JAKMIP3: variants seen among roughly 807,000 people sequenced by gnomAD.
JAKMIP3 encodes the protein Janus kinase and microtubule interacting protein 3.
Under a neutral mutation model 118.5 loss-of-function variants are expected in JAKMIP3, and 58 were observed. The observed-to-expected ratio is 0.49, with a 90% CI of 0.40 to 0.61. JAKMIP3 has a LOEUF of 0.61. JAKMIP3 is among the 20% of genes least tolerant of loss of function. The probability of loss-of-function intolerance (pLI) is 0.00; values close to 1 mark genes in which losing one functional copy is unlikely to be tolerated. For missense variants in JAKMIP3, 950 were observed against 1,109.0 expected (o/e 0.86, Z 2.04); for synonymous variants, 486 against 451.2 (o/e 1.08, Z -0.98).
chr10:132,139,426 G>T (rs7082365), intron 9 of JAKMIP3, among the ~76,000 whole-genome samples: 10,101 of 79,578 alleles, frequency 0.13, 922 homozygotes, highest in African/African-American at 0.32. Context: ...GTGTGTGTGT[G>T]TGTTTGTGTG....
intron 21 of JAKMIP3, among the ~76,000 whole-genome samples, chr10:132,166,292 C>T (rs555641924): frequency 6.6e-6 from 1 of 152,284 alleles, no homozygotes; most frequent in African/African-American, 2.4e-5. Flanking sequence ...CGTCACTGCA[C>T]TCCAGACTGG....
chr10:132,142,731 C>T (rs550064170), intron 11 of JAKMIP3, among the ~76,000 whole-genome samples: 14 of 152,256 alleles, frequency 9.2e-5, no homozygotes, highest in South Asian at 4.1e-4. Flanking sequence ...GAGGGGAAGC[C>T]GCTGGAGGAC....
intron 1 of JAKMIP3, among the ~76,000 whole-genome samples, chr10:132,068,515 G>A (rs2039295101): frequency 6.6e-6 from 1 of 151,784 alleles, no homozygotes; most frequent in Non-Finnish European, 1.5e-5. Context: ...AACCTCTTGG[G>A]CAGGTGTTTC....
At chr10:132,128,561 C>G (rs1027631418) in intron 3 of JAKMIP3, among the ~76,000 whole-genome samples, 1 of 152,180 alleles carries the variant, frequency 6.6e-6, no homozygotes, top group Admixed American at 6.5e-5. Context: ...CTATACCTTA[C>G]ATTTTTCTTG....
upstream of JAKMIP3, among the ~76,000 whole-genome samples, chr10:132,065,533 A>C (rs2038654848): frequency 6.6e-6 from 1 of 152,070 alleles, no homozygotes; most frequent in Non-Finnish European, 1.5e-5. This position sits in a 1 kb window ranked among gnomAD's most constrained non-coding sequence, Gnocchi z 5.6. Flanking sequence ...GCAGCCAGGA[A>C]GCCGAGGGGG....
At chr10:132,115,384 C>A (rs2047483195) in intron 2 of JAKMIP3, among the ~76,000 whole-genome samples, 1 of 152,226 alleles carries the variant, frequency 6.6e-6, no homozygotes, top group Non-Finnish European at 1.5e-5. Context: ...GGCTGGGATC[C>A]CACCAGCGGC....
chr10:132,097,631 G>A (rs1034680305), intron 1 of JAKMIP3, among the ~76,000 whole-genome samples: 4 of 151,968 alleles, frequency 2.6e-5, no homozygotes, highest in African/African-American at 4.8e-5. Flanking sequence ...CCCTGGCTGT[G>A]ATACTGTCCC....
Position 132,104,801 on chromosome 10 carries a change from G to A in JAKMIP3, c.-8G>A. 1 of 1,550,262 alleles carries A rather than the reference G, an allele frequency of 6.5e-7. No homozygotes were observed. The highest frequency in any genetic ancestry group is 8.7e-7 in the Non-Finnish European group (1 of 1,146,644). On this transcript the variant is annotated 5_prime_UTR_variant, in exon 2 of 24. Transcript: ENST00000684848. ...CCCTGGGCATCCCCCTGGCCATCCA[G>A]CCTCACCATGTCCAAGAGGGGCATG...
chr10:132,101,367 A>G (rs1363202031), intron 1 of JAKMIP3, among the ~76,000 whole-genome samples: 8 of 152,116 alleles, frequency 5.3e-5, no homozygotes, highest in Admixed American at 5.2e-4. Context: ...CCACCACTGA[A>G]GTCTCCCCGA....
At chr10:132,060,913 G>T (rs1198122859), upstream of JAKMIP3, among the ~76,000 whole-genome samples, 1 of 152,138 alleles carries the variant, frequency 6.6e-6, no homozygotes, top group East Asian at 1.9e-4. Context: ...CCAGCTACTT[G>T]GGAGGATGAG....
chr10:132,180,744 TGCGCGCGCGTGTGTGC>T lies in JAKMIP3; in HGVS notation c.*1104-1611_*1104-1596del, dbSNP rs1184165713. On this transcript the variant is annotated intron_variant, in intron 23 of 23. Coordinates refer to ENST00000684848, the MANE Select transcript of JAKMIP3 (RefSeq NM_001323087.2). ...GCGTGTGTGTGCGTGTGTGCGTGCG[TGCGCGCGCGTGTGTGC>T]GTGTGTGTGCGTGTGTGTGTGTGCG... Among the ~76,000 whole-genome samples the T allele has an allele frequency of 2.3e-4, 5 of 21,942 alleles. 1 individual carries two copies. The highest frequency in any genetic ancestry group is 7.2e-4 in the African/African-American group (2 of 2,760). 14.4% of individuals were successfully genotyped at this position (21,942 alleles called of 152,430 possible).
In JAKMIP3 at chr10:132,135,235, T is replaced by G. The variant is rs2051502968; in HGVS notation, c.969+75T>G. On this transcript the variant is annotated intron_variant, in intron 5 of 23. Transcript: ENST00000684848. ...CTGGGGACCTGGGGGGCATCCACTTTCAAAATTCCTTGCGTAAAGGAGTGG... is the reference window on the plus strand; with the variant it reads ...CTGGGGACCTGGGGGGCATCCACTTGCAAAATTCCTTGCGTAAAGGAGTGG... 4 of 1,452,556 alleles carry G rather than the reference T, an allele frequency of 2.8e-6. No individual in the cohort carries two copies. In the South Asian group the frequency reaches 3.7e-5, roughly 13 times the overall value. The allele number at this position is 1,452,556 out of a possible 1,614,324, so 90.0% of individuals were successfully genotyped here.
At chr10:132,176,011 G>A (rs370507509) in intron 23 of JAKMIP3, among the ~76,000 whole-genome samples, 14 of 152,318 alleles carry the variant, frequency 9.2e-5, no homozygotes, top group African/African-American at 3.1e-4. Flanking sequence ...TGGGGGAAGC[G>A]CCCCTCCCTG....
intron 2 of JAKMIP3, among the ~76,000 whole-genome samples, chr10:132,109,312 A>C (rs2046475843): frequency 6.6e-6 from 1 of 152,054 alleles, no homozygotes; most frequent in Non-Finnish European, 1.5e-5. Flanking sequence ...AAAAACAAAA[A>C]TTTTTTTAAT....
At chr10:132,130,631 C>T (rs970194762) in intron 3 of JAKMIP3, among the ~76,000 whole-genome samples, 3 of 152,200 alleles carry the variant, frequency 2.0e-5, no homozygotes, top group African/African-American at 7.2e-5. Flanking sequence ...ACTCTGCCAA[C>T]ACCTTAGGCA....
Position 132,174,880 on chromosome 10 carries a change from G to A in JAKMIP3, c.*1103+5847G>A, listed in dbSNP as rs1252567574. On this transcript the variant is annotated intron_variant, in intron 23 of 23. Transcript: ENST00000684848. ...CTAATGATGTTGAGCATCTTTTTGTGTGTTGATTTTCCATCCTTATACCTT... is the reference window on the plus strand; with the variant it reads ...CTAATGATGTTGAGCATCTTTTTGTATGTTGATTTTCCATCCTTATACCTT... Among the ~76,000 whole-genome samples, 4 of 152,132 alleles carry A rather than the reference G, an allele frequency of 2.6e-5. No homozygotes were observed. In the South Asian group the frequency reaches 8.3e-4, roughly 32 times the overall value.
chr10:132,116,583 C>T (rs2047706033), intron 2 of JAKMIP3, among the ~76,000 whole-genome samples: 1 of 29,294 alleles, frequency 3.4e-5, no homozygotes, highest in African/African-American at 1.6e-4. Context: ...ACGCTCCCCC[C>T]GAATACACAT....
At chr10:132,072,540 A>G (rs2040126738) in intron 1 of JAKMIP3, among the ~76,000 whole-genome samples, 1 of 152,174 alleles carries the variant, frequency 6.6e-6, no homozygotes, top group South Asian at 2.1e-4. Context: ...GTCTCAAATA[A>G]ATAAATAAAT....
chr10:132,141,340 C>T (rs2053472328), intron 10 of JAKMIP3, among the ~76,000 whole-genome samples: 1 of 152,222 alleles, frequency 6.6e-6, no homozygotes. Flanking sequence ...GCCAACCCTT[C>T]CAGCCCCGGG....
Sources: gnomAD v4.1 joint callset for allele counts (sites outside exome capture counted in the v4.1 genomes callset) on GRCh38, gnomAD v4.1.1 for gene constraint, Gnocchi (gnomAD v3.1) non-coding constraint, MANE v1.5 for transcripts, NCBI Gene and HGNC (gene_info 2026-07-23, HGNC 2026-07-21) for gene names.